Variants in RAB11FIP4 observed in about 807,000 individuals in gnomAD.
RAB11FIP4 encodes RAB11 family interacting protein 4.
A neutral mutation model predicts 74.3 loss-of-function variants in RAB11FIP4; 23 were observed. The observed-to-expected ratio is 0.31, with a 90% CI of 0.22 to 0.44. The LOEUF is 0.44. Among genes scored for constraint, RAB11FIP4 ranks in the 20% least tolerant of loss-of-function variants. RAB11FIP4 has a pLI of 1.00. For missense variants in RAB11FIP4, 630 were observed against 863.9 expected (o/e 0.73, Z 3.39); for synonymous variants, 360 against 359.9 (o/e 1.00, Z 0.00).
chr17:31,417,132 CT>C (rs980292813), intron 1 of RAB11FIP4, among the ~76,000 whole-genome samples: 1 of 151,942 alleles, frequency 6.6e-6, no homozygotes, highest in Non-Finnish European at 1.5e-5. Flanking sequence ...TCCCCCTCAC[CT>C]GGCCAGCTCC....
intron 3 of RAB11FIP4, among the ~76,000 whole-genome samples, chr17:31,458,615 A>G (rs2071603338): frequency 6.6e-6 from 1 of 152,282 alleles, no homozygotes; most frequent in South Asian, 2.1e-4. Flanking sequence ...TCAAGGAAAG[A>G]TGTACCAGCT....
At chr17:31,492,824 C>T (rs992483448) in intron 3 of RAB11FIP4, among the ~76,000 whole-genome samples, 3 of 151,352 alleles carry the variant, frequency 2.0e-5, no homozygotes, top group African/African-American at 2.4e-5. Context: ...TCCCGAGCGT[C>T]TTGGTGCTTC....
intron 3 of RAB11FIP4, among the ~76,000 whole-genome samples, chr17:31,517,206 T>TGGGGGGGGGGG (rs199757879): frequency 4.9e-5 from 1 of 20,248 alleles, no homozygotes. Context: ...GGGGGGGCGG[T>TGGGGGGGGGGG]GGGGGGGGCG....
chr17:31,402,602 A>T (rs113035714), intron 1 of RAB11FIP4, among the ~76,000 whole-genome samples: 8 of 138,978 alleles, frequency 5.8e-5, no homozygotes, highest in South Asian at 4.8e-4. Context: ...ATTTATTTTT[A>T]TTTATTTATT....
chr17:31,523,164 G>A lies in RAB11FIP4; in HGVS notation c.930-348G>A, dbSNP rs140256391. The A allele has an allele frequency of 2.0e-3, 696 of 351,540 alleles. 1 individual carries two copies. Among genetic ancestry groups the A allele is most frequent in the Non-Finnish European group, 3.1e-3 (570 of 181,782 alleles). 21.8% of individuals were successfully genotyped at this position (351,540 alleles called of 1,614,324 possible). ...GGCCATGGAGCTGGGCTACCTCCTTGGGGGCTTCCCCACTGGAAGAGGAGG... is the reference window on the plus strand; with the variant it reads ...GGCCATGGAGCTGGGCTACCTCCTTAGGGGCTTCCCCACTGGAAGAGGAGG... On this transcript the variant is annotated intron_variant, in intron 7 of 14. Coordinates refer to ENST00000621161, the MANE Select transcript of RAB11FIP4 (RefSeq NM_032932.6).
At chr17:31,447,608 C>T (rs1024741828) in intron 3 of RAB11FIP4, among the ~76,000 whole-genome samples, 13 of 152,094 alleles carry the variant, frequency 8.5e-5, no homozygotes, top group Admixed American at 1.3e-4. Context: ...CTGCAACCTC[C>T]GCCTCCCGGG....
At chr17:31,415,299 G>A (rs982999454) in intron 1 of RAB11FIP4, among the ~76,000 whole-genome samples, 19 of 152,206 alleles carry the variant, frequency 1.2e-4, no homozygotes, top group South Asian at 2.1e-4. Context: ...AGGAGGGGAG[G>A]GGCAGGATAG....
intron 3 of RAB11FIP4, among the ~76,000 whole-genome samples, chr17:31,464,554 C>A (rs556221788): frequency 2.0e-5 from 3 of 152,064 alleles, no homozygotes; most frequent in African/African-American, 7.2e-5. Flanking sequence ...CAGGTTCAAG[C>A]GATTCTCCTG....
At chr17:31,425,516 C>T (rs929161238) in intron 1 of RAB11FIP4, among the ~76,000 whole-genome samples, 15 of 152,236 alleles carry the variant, frequency 9.9e-5, no homozygotes, top group East Asian at 1.9e-4. Context: ...CAGACAGCAA[C>T]GGCAACGAAG....
At chr17:31,423,110 G>A (rs1013326078) in intron 1 of RAB11FIP4, among the ~76,000 whole-genome samples, 7 of 151,972 alleles carry the variant, frequency 4.6e-5, no homozygotes, top group Admixed American at 2.6e-4. Context: ...TAGTAGAGAC[G>A]GGGTTTCACC....
At chr17:31,433,927 C>A in intron 2 of RAB11FIP4, 107 bp from the exon 3 acceptor site, 1 of 1,106,870 alleles carries the variant, frequency 9.0e-7, no homozygotes, top group South Asian at 1.4e-5. Context: ...AGCCTCGGGC[C>A]CCCACCTCAG....
intron 1 of RAB11FIP4, among the ~76,000 whole-genome samples, chr17:31,397,739 T>G (rs771092240): frequency 6.6e-6 from 1 of 152,176 alleles, no homozygotes; most frequent in Non-Finnish European, 1.5e-5. Context: ...CACCACACTC[T>G]GCATTGAGGC....
chr17:31,490,470 T>C (rs1378248674), intron 3 of RAB11FIP4, among the ~76,000 whole-genome samples: 2 of 152,084 alleles, frequency 1.3e-5, no homozygotes, highest in African/African-American at 4.8e-5. Context: ...AGGTGAGCAG[T>C]TCCCAGAAGG....
chr17:31,418,954 C>T (rs2071173547), intron 1 of RAB11FIP4, among the ~76,000 whole-genome samples: 1 of 152,160 alleles, frequency 6.6e-6, no homozygotes, highest in South Asian at 2.1e-4. Flanking sequence ...TCTTCAGTCC[C>T]TCCTCCTCGC....
intron 1 of RAB11FIP4, among the ~76,000 whole-genome samples, chr17:31,407,590 A>G (rs553567639): frequency 6.6e-6 from 1 of 152,258 alleles, no homozygotes; most frequent in South Asian, 2.1e-4. Flanking sequence ...CATAACATTG[A>G]TGTTTCTGAG....
At chr17:31,529,044 G>T (rs1208823663) in intron 13 of RAB11FIP4, among the ~76,000 whole-genome samples, 1 of 151,888 alleles carries the variant, frequency 6.6e-6, no homozygotes, top group Non-Finnish European at 1.5e-5. Flanking sequence ...CTGCAGTATA[G>T]TGCCTGGAGG....
chr17:31,520,739 C>A (rs9906086), intron 4 of RAB11FIP4, among the ~76,000 whole-genome samples: 8,019 of 152,250 alleles, frequency 0.053, 665 homozygotes, highest in African/African-American at 0.18. Flanking sequence ...GATCTCCTGA[C>A]CTCTGATCCG....
At chr17:31,514,577 G>A (rs2072512431) in intron 3 of RAB11FIP4, among the ~76,000 whole-genome samples, 1 of 152,268 alleles carries the variant, frequency 6.6e-6, no homozygotes, top group Non-Finnish European at 1.5e-5. Context: ...AAGTCCAGAA[G>A]AAACACCATT....
chr17:31,465,169 T>C (rs1284456040), intron 3 of RAB11FIP4, among the ~76,000 whole-genome samples: 4 of 152,108 alleles, frequency 2.6e-5, no homozygotes, highest in African/African-American at 4.8e-5. Context: ...TTCCCAAGGC[T>C]ATGTTGAGGC....
Sources: allele counts gnomAD v4.1 joint callset (sites outside exome capture counted in the v4.1 genomes callset), GRCh38; gene constraint gnomAD v4.1.1; transcripts MANE v1.5; gene names NCBI Gene and HGNC (gene_info 2026-07-23, HGNC 2026-07-21).